Variants in RYR3 observed in about 807,000 individuals in gnomAD.
RYR3 encodes the protein brain ryanodine receptor-calcium release channel.
RYR3 carries 207 observed loss-of-function variants against 584.3 expected under a neutral mutation model. The ratio of observed to expected loss-of-function variants is 0.35; its 90% CI spans 0.32 to 0.40. The LOEUF is 0.40. Ranked by LOEUF, RYR3 falls within the 10% of genes least tolerant of loss-of-function variation. The pLI, the probability that RYR3 is intolerant of heterozygous loss-of-function variation, is 1.00. For missense variants in RYR3, 5,616 were observed against 6,089.2 expected (o/e 0.92, Z 2.59); for synonymous variants, 2,416 against 2,248.5 (o/e 1.07, Z -2.11).
chr15:33,719,565 T>C (rs1008994169), intron 43 of RYR3, among the ~76,000 whole-genome samples: 3 of 152,226 alleles, frequency 2.0e-5, no homozygotes, highest in African/African-American at 7.2e-5. Context: ...TTCAACGTTT[T>C]AGCTTTATTA....
intron 1 of RYR3, among the ~76,000 whole-genome samples, chr15:33,372,541 A>G (rs1008468222): frequency 6.6e-6 from 1 of 151,416 alleles, no homozygotes; most frequent in African/African-American, 2.4e-5. Context: ...ATTTTTTTGG[A>G]TTTTTAGTAG....
chr15:33,842,822 C>T (rs377560203), intron 91 of RYR3, among the ~76,000 whole-genome samples: 38 of 152,302 alleles, frequency 2.5e-4, no homozygotes, highest in Non-Finnish European at 4.7e-4. Context: ...CTGCTTGCTG[C>T]GTGGAGTGAT....
intron 6 of RYR3, among the ~76,000 whole-genome samples, chr15:33,540,499 T>C (rs917278197): frequency 1.3e-5 from 2 of 152,198 alleles, no homozygotes; most frequent in Non-Finnish European, 2.9e-5. Flanking sequence ...TGAGTTATCT[T>C]ATCCTACAAA....
At chr15:33,680,598 A>C (rs567018216) in intron 38 of RYR3, among the ~76,000 whole-genome samples, 36 of 152,234 alleles carry the variant, frequency 2.4e-4, no homozygotes, top group Non-Finnish European at 4.7e-4. Flanking sequence ...TGATTACAAA[A>C]ACTTGGTCAC....
At chr15:33,683,887 G>A (rs528694112) in intron 38 of RYR3, among the ~76,000 whole-genome samples, 2 of 152,400 alleles carry the variant, frequency 1.3e-5, no homozygotes, top group South Asian at 4.1e-4. Flanking sequence ...CACTGCTGGA[G>A]CAGCAGTCTG....
Position 33,750,069 on chromosome 15 carries a change from C to T in RYR3, c.8275+15C>T, listed in dbSNP as rs765035038. ...GGAGAGCAAAGGTGAGTGAGGTTCACAGCATCCCCTAAAGAAGCTGAACCG... is the reference window on the plus strand; with the variant it reads ...GGAGAGCAAAGGTGAGTGAGGTTCATAGCATCCCCTAAAGAAGCTGAACCG... On this transcript the variant is annotated intron_variant, in intron 56 of 103. Coordinates refer to ENST00000634891, the MANE Select transcript of RYR3 (RefSeq NM_001036.6). The T allele has an allele frequency of 6.2e-7, 1 of 1,610,252 alleles. No homozygotes were observed. The highest frequency in any genetic ancestry group is 8.5e-7 in the Non-Finnish European group (1 of 1,178,288).
chr15:33,826,645 T>G (rs2077392457), intron 83 of RYR3, 27 bp from the exon 84 acceptor site: 1 of 1,580,770 alleles, frequency 6.3e-7, no homozygotes, highest in South Asian at 1.1e-5. Context: ...GCCAAACCAA[T>G]GCTCATCAAC....
At chr15:33,795,551 C>T (rs1425532084) in intron 67 of RYR3, among the ~76,000 whole-genome samples, 3 of 151,912 alleles carry the variant, frequency 2.0e-5, no homozygotes, top group Non-Finnish European at 2.9e-5. Flanking sequence ...TGCGCCACTA[C>T]GCCTGGCTAA....
At chr15:33,464,128 T>A (rs2048258364) in intron 1 of RYR3, among the ~76,000 whole-genome samples, 1 of 151,784 alleles carries the variant, frequency 6.6e-6, no homozygotes, top group Non-Finnish European at 1.5e-5. Flanking sequence ...AGGAGAGAGA[T>A]TAGAAATAAA....
chr15:33,822,689 G>A (rs2077173215), intron 80 of RYR3, among the ~76,000 whole-genome samples: 1 of 152,238 alleles, frequency 6.6e-6, no homozygotes, highest in South Asian at 2.1e-4. Flanking sequence ...GCTCCTCTGT[G>A]CCAAATTCAT....
intron 1 of RYR3, among the ~76,000 whole-genome samples, chr15:33,425,901 C>T (rs987936115): frequency 2.0e-5 from 3 of 152,138 alleles, no homozygotes; most frequent in Non-Finnish European, 2.9e-5. Flanking sequence ...CTTGGCCTCC[C>T]AAAGTGCTCG....
intron 1 of RYR3, among the ~76,000 whole-genome samples, chr15:33,352,843 G>C (rs1973461601): frequency 6.6e-6 from 1 of 152,148 alleles, no homozygotes; most frequent in African/African-American, 2.4e-5. Flanking sequence ...GTAACTGGAT[G>C]ATTTCTAGGA....
At chr15:33,700,854 A>G (rs2066249656) in intron 41 of RYR3, 123 bp from the exon 42 acceptor site, 4 of 614,578 alleles carry the variant, frequency 6.5e-6, no homozygotes, top group East Asian at 5.7e-5. Flanking sequence ...GAGAACGGTC[A>G]TGTAAGCCAG....
At position 33,566,396 on chromosome 15, in the gene RYR3, G is replaced by A. The variant is rs373263081; in HGVS notation, c.1147-282G>A. ...AAAATCAATCATGAGGTATGTTATC[G>A]CCCTTTCAAATCTAGGCCTGAGGAA... On this transcript the variant is annotated intron_variant, in intron 11 of 103. Coordinates refer to ENST00000634891, the MANE Select transcript of RYR3 (RefSeq NM_001036.6). Among the ~76,000 whole-genome samples the A allele has an allele frequency of 3.3e-5, 5 of 152,066 alleles. No homozygotes were observed. In the East Asian group the frequency reaches 5.8e-4, roughly 18 times the overall value.
Position 33,311,461 on chromosome 15 carries a change from G to A in RYR3, c.51+365G>A, listed in dbSNP as rs1967265992. On this transcript the variant is annotated intron_variant, in intron 1 of 103. Transcript: ENST00000634891. The surrounding 1 kb of genome is among the most constrained non-coding windows in gnomAD (Gnocchi z 4.4). ...CATAAGATCGGCGTTGGAAGCCCTC[G>A]CCCCGGGGTCGGCCCTCTGACACCT... 6.6e-6 allele frequency among the ~76,000 whole-genome samples: 1 copy of A among 152,270 alleles called. No individual in the cohort carries two copies. Among genetic ancestry groups the A allele is most frequent in the Admixed American group, 6.5e-5 (1 of 15,300 alleles).
intron 1 of RYR3, among the ~76,000 whole-genome samples, chr15:33,419,298 T>C (rs1019872589): frequency 3.3e-5 from 5 of 152,148 alleles, no homozygotes; most frequent in African/African-American, 1.2e-4. Context: ...CCAAGCACAT[T>C]GAAATTCTTC....
chr15:33,787,591 CT>C (rs147145809), intron 66 of RYR3, among the ~76,000 whole-genome samples: 263 of 151,608 alleles, frequency 1.7e-3, no homozygotes, highest in African/African-American at 6.2e-3. Flanking sequence ...TTGCTTGTTT[CT>C]GCTTTTCAAC....
chr15:33,424,679 A>G lies in RYR3; in HGVS notation c.52-48740A>G, dbSNP rs974458328. 1.4e-4 allele frequency among the ~76,000 whole-genome samples: 21 copies of G among 152,138 alleles called. No homozygotes were observed. The East Asian group carries it at 3.5e-3, about 25-fold the overall frequency. The stretch of plus-strand genomic sequence containing the variant: ...TGAAGCCCCACCTGGCATATATTGG[A>G]CTGGGTCTAGGCTCACCTATCTCTG... On this transcript the variant is annotated intron_variant, in intron 1 of 103. Transcript: ENST00000634891.
chr15:33,821,586 A>G lies in RYR3; in HGVS notation c.10979A>G (p.Asn3660Ser). The G allele has an allele frequency of 1.2e-6, 2 of 1,613,934 alleles. No homozygotes were observed. Among genetic ancestry groups the G allele is most frequent in the South Asian group, 1.1e-5 (1 of 91,082 alleles). Residue 3660 changes from asparagine (N) to serine (S), a missense_variant, in exon 80 of 104, where the codon AAT becomes AGT. Physicochemically the swap from Asn to Ser is conservative, Grantham distance 46 (BLOSUM62 1). Transcript: ENST00000634891. Reference protein sequence around the residue: ...KLGIAILNGGNAGVQQKMLDY... With the variant: ...KLGIAILNGGSAGVQQKMLDY... ...GGGATCGCCATTCTGAACGGAGGCA[A>G]TGCTGGTGTGCAACAGGTAACGGGA...
Sources: allele counts gnomAD v4.1 joint callset (sites outside exome capture counted in the v4.1 genomes callset), GRCh38; gene constraint gnomAD v4.1.1; non-coding constraint Gnocchi (gnomAD v3.1); transcripts MANE v1.5; gene names NCBI Gene and HGNC (gene_info 2026-07-23, HGNC 2026-07-21).